The following DOK6 variants were observed in gnomAD, a reference collection of about 807,000 sequenced individuals.
DOK6 encodes the protein downstream of tyrosine kinase 6.
Under a neutral mutation model 44.0 loss-of-function variants are expected in DOK6, and 22 were observed. That is an observed-to-expected ratio of 0.50 (90% CI 0.36 to 0.71). DOK6 has a LOEUF of 0.71. Among genes scored for constraint, DOK6 ranks in the 30% least tolerant of loss-of-function variants. The pLI, the probability that DOK6 is intolerant of heterozygous loss-of-function variation, is 0.00. For missense variants in DOK6, 340 were observed against 416.4 expected, an observed-to-expected ratio of 0.82 and a Z score of 1.60; for synonymous variants, 166 against 145.5, an observed-to-expected ratio of 1.14 and a Z score of -1.01.
chr18:69,631,735 G>A (rs76428860), intron 3 of DOK6, among the ~76,000 whole-genome samples: 1,844 of 152,248 alleles, frequency 0.012, 24 homozygotes, highest in African/African-American at 0.042. Context: ...AATTGTTCAC[G>A]TATAAAACCA....
chr18:69,631,165 C>A (rs1022931702), intron 3 of DOK6, among the ~76,000 whole-genome samples: 1 of 151,892 alleles, frequency 6.6e-6, no homozygotes, highest in Admixed American at 6.6e-5. Flanking sequence ...GTATTCCTCC[C>A]GGATCAAACA....
intron 1 of DOK6, among the ~76,000 whole-genome samples, chr18:69,466,344 CCTT>C (rs1383611997): frequency 1.3e-5 from 2 of 152,080 alleles, no homozygotes; most frequent in Non-Finnish European, 2.9e-5. Context: ...GTCAGGATTT[CCTT>C]CTTTTTTGAA....
At chr18:69,711,541 GTA>G (rs1235917826) in intron 5 of DOK6, among the ~76,000 whole-genome samples, 1 of 152,086 alleles carries the variant, frequency 6.6e-6, no homozygotes, top group East Asian at 1.9e-4. Context: ...ATTACAATTA[GTA>G]TACATGAAAA....
intron 3 of DOK6, among the ~76,000 whole-genome samples, chr18:69,670,954 T>C (rs932182017): frequency 2.0e-5 from 3 of 152,006 alleles, no homozygotes; most frequent in Non-Finnish European, 4.4e-5. Flanking sequence ...AAATATCCAA[T>C]TCCCATCTTT....
At chr18:69,612,646 C>T (rs1433421162) in intron 3 of DOK6, among the ~76,000 whole-genome samples, 1 of 150,342 alleles carries the variant, frequency 6.7e-6, no homozygotes, top group Non-Finnish European at 1.5e-5. Flanking sequence ...TCCCATAGTA[C>T]CCTAAAGCGG....
Position 69,401,262 on chromosome 18 carries a change from C to T in DOK6, c.18C>T (p.Asn6=). 6.3e-7 allele frequency: 1 copy of T among 1,581,242 alleles called. No individual in the cohort carries two copies. Among genetic ancestry groups the T allele is most frequent in the Non-Finnish European group, 8.6e-7 (1 of 1,164,560 alleles). The change falls in exon 1 of 8, where the codon AAC becomes AAT. Residue 6 remains asparagine, a synonymous_variant. Coordinates refer to ENST00000382713, the MANE Select transcript of DOK6 (RefSeq NM_152721.6). MASNF[N]DIVKQGYVKI... ...CGCTGGCCATGGCCTCCAACTTTAA[C>T]GACATAGTCAAGCAGGGCTACGTGA...
At chr18:69,730,901 G>GAAGGA (rs1978378367) in intron 5 of DOK6, among the ~76,000 whole-genome samples, 1 of 152,006 alleles carries the variant, frequency 6.6e-6, no homozygotes, top group Admixed American at 6.6e-5. Flanking sequence ...AGGAGTTTGA[G>GAAGGA]GCCAGCCTGA....
Position 69,841,374 on chromosome 18 carries a change from C to T in DOK6, c.987C>T (p.Leu329=). 1.9e-6 allele frequency: 3 copies of T among 1,614,208 alleles called. No individual in the cohort carries two copies. Among genetic ancestry groups the T allele is most frequent in the Non-Finnish European group, 2.5e-6 (3 of 1,180,030 alleles). Residue 329 remains leucine (L), a synonymous_variant, in exon 8 of 8, where the codon CTC becomes CTT. Coordinates refer to ENST00000382713, the MANE Select transcript of DOK6 (RefSeq NM_152721.6). Reference sequence around the variant, plus strand: ...ATGGATTCAGCTACAGCTCCAGCCTCATCCAATGACACACAGAGAGCCGCT... The same window carrying T: ...ATGGATTCAGCTACAGCTCCAGCCTTATCCAATGACACACAGAGAGCCGCT... ...SSYGFSYSSS[L]IQ
chr18:69,840,231 C>T (rs755357328), intron 7 of DOK6, among the ~76,000 whole-genome samples: 2 of 152,256 alleles, frequency 1.3e-5, no homozygotes, highest in Non-Finnish European at 2.9e-5. Context: ...CTCGCCCAGG[C>T]GATCAGATGA....
intron 1 of DOK6, among the ~76,000 whole-genome samples, chr18:69,530,862 G>C (rs1372462580): frequency 3.3e-5 from 5 of 151,932 alleles, no homozygotes; most frequent in Non-Finnish European, 7.4e-5. Context: ...TTGACAGTGG[G>C]GTGTTAAAGT....
chr18:69,808,719 A>G (rs1242004600), intron 7 of DOK6, among the ~76,000 whole-genome samples: 1 of 151,854 alleles, frequency 6.6e-6, no homozygotes, highest in Non-Finnish European at 1.5e-5. Context: ...AACATATACA[A>G]TCTATCCAGA....
At chr18:69,476,773 T>C (rs1980277710) in intron 1 of DOK6, among the ~76,000 whole-genome samples, 2 of 151,622 alleles carry the variant, frequency 1.3e-5, no homozygotes, top group Non-Finnish European at 2.9e-5. Flanking sequence ...TAAGCAGCAC[T>C]CCTCCTTGCT....
At chr18:69,693,942 C>T (rs528025678) in intron 4 of DOK6, among the ~76,000 whole-genome samples, 1 of 151,494 alleles carries the variant, frequency 6.6e-6, no homozygotes, top group Admixed American at 6.6e-5. Flanking sequence ...GCCTGTAGTC[C>T]CAGCTACTCG....
intron 4 of DOK6, among the ~76,000 whole-genome samples, chr18:69,686,050 C>T (rs1414772738): frequency 1.3e-5 from 2 of 151,938 alleles, no homozygotes; most frequent in Admixed American, 6.6e-5. Flanking sequence ...AGAGGTGAGC[C>T]CTAATCCAAT....
intron 7 of DOK6, 54 bp from the exon 8 acceptor site, chr18:69,841,189 TC>T: frequency 3.1e-6 from 5 of 1,605,890 alleles, no homozygotes; most frequent in Non-Finnish European, 4.3e-6. Context: ...AGATAGTGTA[TC>T]TTTTGTGCTT....
intron 5 of DOK6, among the ~76,000 whole-genome samples, chr18:69,724,533 G>A (rs1196147296): frequency 1.3e-5 from 2 of 152,174 alleles, no homozygotes; most frequent in Non-Finnish European, 2.9e-5. Context: ...TTCCCATTAG[G>A]TCTCAAGGGT....
chr18:69,473,270 A>AT (rs1463371694), intron 1 of DOK6, among the ~76,000 whole-genome samples: 7 of 152,212 alleles, frequency 4.6e-5, no homozygotes. Context: ...CCAATGAATA[A>AT]TTTTTGAAAA....
At chr18:69,455,156 C>CAAAAAAAAAAAAAAAAAAAAAAAAAA (rs58451274) in intron 1 of DOK6, among the ~76,000 whole-genome samples, 1 of 117,448 alleles carries the variant, frequency 8.5e-6, no homozygotes. Flanking sequence ...ATAGCTATAG[C>CAAAAAAAAAAAAAAAAAAAAAAAAAA]AAAAAAAAAA....
chr18:69,437,505 C>T (rs117675100), intron 1 of DOK6, among the ~76,000 whole-genome samples: 526 of 152,138 alleles, frequency 3.5e-3, no homozygotes, highest in Non-Finnish European at 5.2e-3. Flanking sequence ...CTGTTCTGTT[C>T]AGTTGGTCTC....
Sources: allele counts gnomAD v4.1 joint callset (sites outside exome capture counted in the v4.1 genomes callset), GRCh38; gene constraint gnomAD v4.1.1; transcripts MANE v1.5; gene names NCBI Gene and HGNC (gene_info 2026-07-23, HGNC 2026-07-21).